COPA: variants seen among roughly 807,000 people sequenced by gnomAD.
COPA encodes coatomer subunit alpha.
COPA carries 10 observed loss-of-function variants against 158.7 expected under a neutral mutation model. The observed-to-expected ratio is 0.06, with a 90% CI of 0.04 to 0.11. COPA has a LOEUF of 0.11. COPA is among the 10% of genes least tolerant of loss of function. The pLI is 1.00. For missense variants in COPA, 1,065 were observed against 1,536.7 expected (o/e 0.69, Z 5.13); for synonymous variants, 462 against 542.8 (o/e 0.85, Z 2.07).
At chr1:160,325,313 T>C (rs1232995959) in intron 7 of COPA, among the ~76,000 whole-genome samples, 1 of 152,166 alleles carries the variant, frequency 6.6e-6, no homozygotes, top group Non-Finnish European at 1.5e-5. Context: ...CGCCTGGCTT[T>C]CTCCCTTTCC....
intron 23 of COPA, 75 bp from the exon 24 acceptor site, chr1:160,294,932 T>A (rs1557860924): frequency 1.6e-6 from 2 of 1,258,926 alleles, no homozygotes; most frequent in East Asian, 4.6e-5. Context: ...TGTAGGCAGG[T>A]TAAATCCTTT....
intron 8 of COPA, among the ~76,000 whole-genome samples, chr1:160,319,034 T>G (rs983546261): frequency 8.0e-5 from 12 of 150,776 alleles, no homozygotes; most frequent in African/African-American, 2.9e-4. Flanking sequence ...AAGTCCTTGC[T>G]TATCAATAAT....
At chr1:160,328,563 C>T (rs569753402) in intron 6 of COPA, among the ~76,000 whole-genome samples, 13 of 152,132 alleles carry the variant, frequency 8.5e-5, no homozygotes, top group Admixed American at 8.5e-4. Flanking sequence ...CCTCCCAATA[C>T]GGACCAGGGA....
At chr1:160,313,583 T>C (rs964052855) in intron 9 of COPA, among the ~76,000 whole-genome samples, 8 of 152,028 alleles carry the variant, frequency 5.3e-5, no homozygotes, top group African/African-American at 1.9e-4. Context: ...CCCGGCTAAT[T>C]TTTTGTATTT....
intron 25 of COPA, 85 bp downstream of exon 25, chr1:160,294,399 G>A: frequency 4.2e-6 from 5 of 1,181,310 alleles, no homozygotes; most frequent in East Asian, 2.4e-5. Flanking sequence ...TAGGAGACCT[G>A]AGGATAGTGG....
chr1:160,342,467 T>C (rs577266873), intron 1 of COPA, among the ~76,000 whole-genome samples: 15 of 152,136 alleles, frequency 9.9e-5, no homozygotes, highest in Non-Finnish European at 1.9e-4. Flanking sequence ...CAAATAAAAA[T>C]ACGAGATTTC....
intron 3 of COPA, among the ~76,000 whole-genome samples, chr1:160,336,334 A>G (rs1303259506): frequency 3.4e-5 from 5 of 146,500 alleles, no homozygotes; most frequent in Non-Finnish European, 7.5e-5. Flanking sequence ...CTCGGTCTCA[A>G]AAAAAAAAAA....
In COPA at chr1:160,288,826, T is replaced by A. The variant is rs968713017; in HGVS notation, c.*1331A>T. Among the ~76,000 whole-genome samples, 2 of 152,202 alleles carry A rather than the reference T, an allele frequency of 1.3e-5. No individual in the cohort carries two copies. On this transcript the variant is annotated 3_prime_UTR_variant, in exon 33 of 33. Transcript: ENST00000241704. The stretch of plus-strand genomic sequence containing the variant: ...AATATCTAGAACAGTGACAGTCACA[T>A]GGCAGGTGCTCAATAAATATTGCTA...
chr1:160,332,046 A>G (rs1440486692), intron 6 of COPA, among the ~76,000 whole-genome samples: 8 of 152,174 alleles, frequency 5.3e-5, no homozygotes, highest in African/African-American at 1.9e-4. Flanking sequence ...AGATTTTACT[A>G]TTTTTAAATA....
intron 6 of COPA, among the ~76,000 whole-genome samples, chr1:160,330,639 C>T (rs995342235): frequency 6.6e-6 from 1 of 152,192 alleles, no homozygotes; most frequent in Non-Finnish European, 1.5e-5. Flanking sequence ...TTTCAGCTTG[C>T]TGTTCATTAA....
rs956728750 is a variant in COPA at position 160,305,484 on chromosome 1, C to T, written c.1616G>A (p.Gly539Glu). The change falls in exon 17 of 33, where the codon GGG (glycine) becomes GAG (glutamate). Residue 539 changes from glycine (G) to glutamate (E), a missense_variant. By Grantham distance (98) the Gly-to-Glu change is moderately conservative. Around this residue, in one of 2 missense-constraint regions of COPA, gnomAD observed 980 missense variants for 1,357.8 expected, o/e 0.72. Coordinates refer to ENST00000241704, the MANE Select transcript of COPA (RefSeq NM_004371.4). ...GTTGCTTGTGGTATAGATAAATACC[C>T]CACTCTCATCCCAGGCCCCACTCTT... The part of the protein sequence containing the change: ...RVKSGAWDES[G>E]VFIYTTSNHI... 2 of 1,614,054 alleles carry T rather than the reference C, an allele frequency of 1.2e-6. No homozygotes were observed. The highest frequency in any genetic ancestry group is 2.7e-5 in the African/African-American group (2 of 75,002).
chr1:160,324,658 T>C (rs1659435900), intron 7 of COPA, among the ~76,000 whole-genome samples: 1 of 152,132 alleles, frequency 6.6e-6, no homozygotes, highest in Admixed American at 6.5e-5. Context: ...CAGCACATGA[T>C]ATGTGATATC....
At chr1:160,317,672 A>C in intron 8 of COPA, 2 of 1,512,580 alleles carry the variant, frequency 1.3e-6, no homozygotes, top group Non-Finnish European at 1.8e-6. Flanking sequence ...ATTGAAGTTT[A>C]TCAGGAACAA....
At chr1:160,305,813 T>C (rs898201307) in intron 15 of COPA, 40 bp from the exon 16 acceptor site, 4 of 1,531,258 alleles carry the variant, frequency 2.6e-6, no homozygotes, top group Non-Finnish European at 3.6e-6. Context: ...ATGGATCTAT[T>C]TCCCTTGTCT....
intron 14 of COPA, 91 bp from the exon 15 acceptor site, chr1:160,306,584 C>T: frequency 1.3e-6 from 2 of 1,483,424 alleles, no homozygotes; most frequent in Admixed American, 1.7e-5. Flanking sequence ...TGTTCCTTAG[C>T]TTCAATTAAC....
chr1:160,314,420 G>C (rs1424448637), intron 8 of COPA, among the ~76,000 whole-genome samples: 1 of 152,118 alleles, frequency 6.6e-6, no homozygotes. Context: ...CTTGAGCCTA[G>C]GAGTTCGAGA....
At chr1:160,328,011 G>A (rs1647340943) in intron 6 of COPA, among the ~76,000 whole-genome samples, 2 of 152,180 alleles carry the variant, frequency 1.3e-5, no homozygotes, top group Admixed American at 1.3e-4. Context: ...TGTTAACACT[G>A]GAGAAGCAAG....
In COPA at chr1:160,295,727, G is replaced by A. The variant is rs758402711; in HGVS notation, c.2476+9C>T. 3.1e-6 allele frequency: 5 copies of A among 1,595,774 alleles called. No homozygotes were observed. The South Asian group carries it at 5.7e-5, about 18-fold the overall frequency. On this transcript the variant is annotated intron_variant, in intron 23 of 32. Coordinates refer to ENST00000241704, the MANE Select transcript of COPA (RefSeq NM_004371.4). ...CAACAAAAGTGCTATGGGAGAAATA[G>A]GTACTTACCTTTGCTGGCAATGGTG...
intron 10 of COPA, 138 bp downstream of exon 10, chr1:160,312,947 C>T: frequency 1.4e-6 from 1 of 709,366 alleles, no homozygotes. Flanking sequence ...AGGAGAAAAG[C>T]TTCAACTAAG....
Sources: allele counts gnomAD v4.1 joint callset (sites outside exome capture counted in the v4.1 genomes callset), GRCh38; gene constraint gnomAD v4.1.1; regional missense constraint gnomAD v4.1.1; transcripts MANE v1.5; gene names NCBI Gene and HGNC (gene_info 2026-07-23, HGNC 2026-07-21).